SHISA9: variants seen among roughly 807,000 people sequenced by gnomAD.
SHISA9 encodes shisa family member 9.
SHISA9 carries 13 observed loss-of-function variants against 38.0 expected under a neutral mutation model. That is an observed-to-expected ratio of 0.34 (90% confidence interval 0.22 to 0.54). The LOEUF (loss-of-function observed/expected upper bound fraction) is 0.54, where lower values mean the gene tolerates loss of function less well. SHISA9 is among the 20% of genes least tolerant of loss of function. The pLI, the probability that SHISA9 is intolerant of heterozygous loss-of-function variation, is 0.91. For synonymous variants in SHISA9, 275 were observed against 242.0 expected (o/e 1.14, Z -1.27); for missense variants, 538 against 575.8 (o/e 0.93, Z 0.67).
At chr16:13,143,132 G>A (rs530774022) in intron 2 of SHISA9, among the ~76,000 whole-genome samples, 109 of 151,872 alleles carry the variant, frequency 7.2e-4, no homozygotes, top group Non-Finnish European at 1.4e-3. Flanking sequence ...TCAGGCTCCC[G>A]AGTAGCTGGG....
intron 2 of SHISA9, among the ~76,000 whole-genome samples, chr16:13,026,420 T>C (rs1567186710): frequency 6.6e-6 from 1 of 152,226 alleles, no homozygotes; most frequent in African/African-American, 2.4e-5. Flanking sequence ...TTTTCAAGGC[T>C]GAATACTATT....
the SHISA9 span, among the ~76,000 whole-genome samples, chr16:13,451,692 A>G: frequency 2.6e-5 from 4 of 152,234 alleles, no homozygotes; most frequent in Non-Finnish European, 5.9e-5. Flanking sequence ...TGCTTTGCAC[A>G]TTTATGCTCT....
chr16:13,106,678 C>T (rs2073928084), intron 2 of SHISA9, among the ~76,000 whole-genome samples: 1 of 151,966 alleles, frequency 6.6e-6, no homozygotes, highest in Non-Finnish European at 1.5e-5. Flanking sequence ...GGGATTGGTT[C>T]AAAGGTGGAC....
the SHISA9 span, among the ~76,000 whole-genome samples, chr16:13,299,736 C>G: frequency 6.6e-6 from 1 of 151,668 alleles, no homozygotes. Flanking sequence ...AAAAAAAACC[C>G]GACAATTGGC....
intron 2 of SHISA9, among the ~76,000 whole-genome samples, chr16:12,969,535 G>A (rs2072027559): frequency 1.3e-5 from 2 of 152,206 alleles, no homozygotes; most frequent in South Asian, 2.1e-4. Context: ...CCTGAGGCCA[G>A]GAGTTCGAGA....
chr16:12,953,921 AACTC>A (rs968391412), intron 2 of SHISA9, among the ~76,000 whole-genome samples: 1 of 152,176 alleles, frequency 6.6e-6, no homozygotes, highest in Non-Finnish European at 1.5e-5. Context: ...CTCTTGTGAG[AACTC>A]ACTCACTGTC....
chr16:12,970,358 T>TATATATATAC (rs2072044120), intron 2 of SHISA9, among the ~76,000 whole-genome samples: 9 of 68,034 alleles, frequency 1.3e-4, no homozygotes, highest in Admixed American at 3.4e-4. Context: ...TATGTGTATA[T>TATATATATAC]ATATATATAT....
chr16:13,030,246 CTG>C (rs1272251163), intron 2 of SHISA9, among the ~76,000 whole-genome samples: 3 of 152,170 alleles, frequency 2.0e-5, no homozygotes. Flanking sequence ...CCCACTCAGA[CTG>C]TCTGGGGGCT....
Position 12,902,238 on chromosome 16 carries a change from T to C in SHISA9, c.174T>C (p.Ala58=). ...CCTCCGGAGAGGCCAGCGAGGGCGC[T>C]GAGGCATCGGACGCGCCCCCGACCC... is the stretch of plus-strand genomic sequence containing the variant. The part of the protein sequence containing the change: ...GAASGEASEG[A]EASDAPPTRA... Residue 58 remains alanine, a synonymous_variant, in exon 1 of 5, where the codon GCT becomes GCC. Transcript: ENST00000558583. 6.5e-7 allele frequency: 1 copy of C among 1,542,598 alleles called. No homozygotes were observed. The highest frequency in any genetic ancestry group is 8.7e-7 in the Non-Finnish European group (1 of 1,146,380).
At chr16:13,445,031 T>G in the SHISA9 span, among the ~76,000 whole-genome samples, 1 of 133,732 alleles carries the variant, frequency 7.5e-6, no homozygotes, top group African/African-American at 2.9e-5. Flanking sequence ...TATATATATG[T>G]TGTATTTTTG....
the SHISA9 span, among the ~76,000 whole-genome samples, chr16:13,389,783 A>G: frequency 2.0e-5 from 3 of 152,144 alleles, no homozygotes; most frequent in Non-Finnish European, 4.4e-5. Context: ...AATAAAACTG[A>G]TTTGCTGTGG....
At chr16:13,016,214 A>G (rs902361593) in intron 2 of SHISA9, among the ~76,000 whole-genome samples, 5 of 151,634 alleles carry the variant, frequency 3.3e-5, no homozygotes, top group African/African-American at 1.2e-4. Flanking sequence ...TCCTAAAGTG[A>G]TCTGCCTATC....
chr16:13,087,855 G>A (rs905417342), intron 2 of SHISA9, among the ~76,000 whole-genome samples: 1 of 152,178 alleles, frequency 6.6e-6, no homozygotes, highest in Admixed American at 6.5e-5. Flanking sequence ...TTTGGCTTTT[G>A]TTGCCATTGC....
rs553347274 is a variant in SHISA9, at chr16:13,191,165, A to G, written c.692-12229A>G. Among the ~76,000 whole-genome samples, 9 of 152,352 alleles carry G rather than the reference A, an allele frequency of 5.9e-5. No homozygotes were observed. The East Asian group carries it at 1.7e-3, about 29-fold the overall frequency. On this transcript the variant is annotated intron_variant, in intron 2 of 4. Coordinates refer to ENST00000558583, the MANE Select transcript of SHISA9 (RefSeq NM_001145204.3). Reference sequence around the variant, plus strand: ...AAAGGTTGCTGGCATAAAGATTTGGAAAGGTTAGAAAGAAAAACAGTGCTA... The same window carrying G: ...AAAGGTTGCTGGCATAAAGATTTGGGAAGGTTAGAAAGAAAAACAGTGCTA...
chr16:13,348,808 C>G, the SHISA9 span, among the ~76,000 whole-genome samples: 4 of 152,020 alleles, frequency 2.6e-5, no homozygotes, highest in Non-Finnish European at 5.9e-5. Flanking sequence ...GAGGAAGATT[C>G]ACGGAACAAC....
the SHISA9 span, among the ~76,000 whole-genome samples, chr16:13,447,035 A>G: frequency 7.1e-6 from 1 of 141,686 alleles, no homozygotes; most frequent in South Asian, 2.2e-4. Flanking sequence ...GTGGGGCTGT[A>G]AAAAAAAAAA....
At chr16:13,100,961 G>T (rs1468547498) in intron 2 of SHISA9, among the ~76,000 whole-genome samples, 1 of 152,180 alleles carries the variant, frequency 6.6e-6, no homozygotes, top group East Asian at 1.9e-4. Flanking sequence ...CTCCCGAAGT[G>T]CTGGGATTAC....
chr16:13,154,417 T>A (rs564498794), intron 2 of SHISA9, among the ~76,000 whole-genome samples: 13 of 152,234 alleles, frequency 8.5e-5, no homozygotes, highest in Non-Finnish European at 1.9e-4. Flanking sequence ...GTAGCGGATC[T>A]CTTCTGGATG....
intron 2 of SHISA9, among the ~76,000 whole-genome samples, chr16:13,107,269 T>TA (rs937447357): frequency 1.6e-4 from 24 of 151,582 alleles, no homozygotes; most frequent in African/African-American, 3.9e-4. Context: ...CCATCTCTAC[T>TA]AAAAAAATAC....
Sources: allele counts gnomAD v4.1 joint callset (sites outside exome capture counted in the v4.1 genomes callset), GRCh38; gene constraint gnomAD v4.1.1; transcripts MANE v1.5; gene names NCBI Gene and HGNC (gene_info 2026-07-23, HGNC 2026-07-21).